Variants in SBK1 observed in about 807,000 individuals in gnomAD.
The protein encoded by SBK1 is serine/threonine-protein kinase SBK1.
Under a neutral mutation model 24.4 loss-of-function variants are expected in SBK1, and 11 were observed. The observed-to-expected ratio is 0.45, with a 90% CI of 0.28 to 0.75. SBK1 has a LOEUF of 0.75. Among genes scored for constraint, SBK1 ranks in the 30% least tolerant of loss-of-function variants. The pLI is 0.12. For missense variants in SBK1, 467 were observed against 620.5 expected (o/e 0.75, Z 2.63); for synonymous variants, 308 against 284.4 (o/e 1.08, Z -0.83).
At chr16:28,315,563 C>T (rs2044788739) in intron 1 of SBK1, among the ~76,000 whole-genome samples, 1 of 152,042 alleles carries the variant, frequency 6.6e-6, no homozygotes, top group Admixed American at 6.6e-5. Flanking sequence ...GAGTTCGAGA[C>T]CAGCCTGGAA....
chr16:28,320,124 C>T lies in SBK1; in HGVS notation c.478C>T (p.Leu160=). The T allele has an allele frequency of 1.9e-6, 3 of 1,572,816 alleles. No individual in the cohort carries two copies. Among genetic ancestry groups the T allele is most frequent in the Non-Finnish European group, 2.6e-6 (3 of 1,164,852 alleles). Residue 160 remains leucine, a synonymous_variant, in exon 4 of 4, where the codon CTG becomes TTG. Coordinates refer to ENST00000341901, the MANE Select transcript of SBK1 (RefSeq NM_001024401.3). The surrounding 1 kb of genome is among the most constrained non-coding windows in gnomAD (Gnocchi z 8.5). The stretch of plus-strand genomic sequence containing the variant: ...GAAGCGCTGTGTGCAGCAGCTGGGC[C>T]TGGCGCTGGACTTCATGCACGGGCG... ...TVKRCVQQLG[L]ALDFMHGRQL...
chr16:28,265,597 T>A (rs916051845), intron 1 of SBK1, among the ~76,000 whole-genome samples: 1 of 151,718 alleles, frequency 6.6e-6, no homozygotes, highest in Non-Finnish European at 1.5e-5. Flanking sequence ...ATATAAAAAT[T>A]AAAATTAAAA....
chr16:28,312,064 A>G (rs907732926), intron 1 of SBK1, among the ~76,000 whole-genome samples: 2 of 152,270 alleles, frequency 1.3e-5, no homozygotes, highest in Non-Finnish European at 2.9e-5. Context: ...TGCTGTATGC[A>G]CGTGGACCGC....
intron 1 of SBK1, among the ~76,000 whole-genome samples, chr16:28,272,898 G>T (rs745751723): frequency 5.9e-5 from 9 of 151,932 alleles, no homozygotes; most frequent in Non-Finnish European, 1.3e-4. Flanking sequence ...GGGATTACAG[G>T]CGTGAGCCAC....
chr16:28,296,749 A>T (rs1455162009), intron 1 of SBK1, among the ~76,000 whole-genome samples: 2 of 152,142 alleles, frequency 1.3e-5, no homozygotes, highest in African/African-American at 4.8e-5. Flanking sequence ...AGTGACATCC[A>T]GCAACCAAAA....
At position 28,320,317 on chromosome 16, in the gene SBK1, G is replaced by A; in HGVS notation, c.671G>A (p.Arg224His). The change falls in exon 4 of 4, where the codon CGC becomes CAC. Residue 224 changes from arginine to histidine, a missense_variant. Transcript: ENST00000341901. This position sits in a 1 kb window ranked among gnomAD's most constrained non-coding sequence, Gnocchi z 8.5. Reference protein sequence around the residue: ...YTAPEVCQAGRADGLAVDTGV... With the variant: ...YTAPEVCQAGHADGLAVDTGV... Reference sequence around the variant, plus strand: ...GCGCCTGAGGTGTGCCAGGCGGGCCGCGCCGACGGGCTGGCGGTGGACACG... The same window carrying A: ...GCGCCTGAGGTGTGCCAGGCGGGCCACGCCGACGGGCTGGCGGTGGACACG... 3.1e-6 allele frequency: 5 copies of A among 1,591,716 alleles called. No individual in the cohort carries two copies. Among genetic ancestry groups the A allele is most frequent in the Non-Finnish European group, 4.3e-6 (5 of 1,175,348 alleles).
At chr16:28,300,442 C>G (rs777394047) in intron 1 of SBK1, among the ~76,000 whole-genome samples, 2 of 152,150 alleles carry the variant, frequency 1.3e-5, no homozygotes, top group Non-Finnish European at 2.9e-5. Flanking sequence ...GCTTCAGCCT[C>G]CCGACTAGCT....
intron 1 of SBK1, among the ~76,000 whole-genome samples, chr16:28,282,168 C>G (rs1049446187): frequency 2.0e-5 from 3 of 152,168 alleles, no homozygotes; most frequent in Non-Finnish European, 2.9e-5. Flanking sequence ...TGAAAGTGAC[C>G]TACACCTCCC....
chr16:28,319,944 C>G lies in SBK1; in HGVS notation c.430-132C>G, dbSNP rs941184370. ...CTCAGCAGCATCCGGGCCGCGTCTG[C>G]GCGGTCGCCCCAGTTACTGGGGACA... On this transcript the variant is annotated intron_variant, in intron 3 of 3. Coordinates refer to ENST00000341901, the MANE Select transcript of SBK1 (RefSeq NM_001024401.3). This position sits in a 1 kb window ranked among gnomAD's most constrained non-coding sequence, Gnocchi z 4.0. 1 of 834,598 alleles carries G rather than the reference C, an allele frequency of 1.2e-6. No individual in the cohort carries two copies. Among genetic ancestry groups the G allele is most frequent in the African/African-American group, 1.8e-5 (1 of 55,670 alleles). The allele number at this position is 834,598 out of a possible 1,614,324, so 51.7% of individuals were successfully genotyped here. A position where few individuals can be genotyped will look rare whatever the true frequency, so the allele number is the denominator to read the frequency against.
intron 1 of SBK1, chr16:28,284,791 C>T (rs1363923693): frequency 1.3e-5 from 2 of 152,158 alleles, no homozygotes; most frequent in Non-Finnish European, 2.9e-5. Context: ...TCTTCTTTTT[C>T]TCCTCCTCCT....
chr16:28,289,780 A>C (rs2044587952), upstream of SBK1, among the ~76,000 whole-genome samples: 1 of 151,152 alleles, frequency 6.6e-6, no homozygotes, highest in African/African-American at 2.4e-5. Flanking sequence ...AAAAAAAAAA[A>C]AAACAAAAAC....
chr16:28,319,222 G>A lies in SBK1; in HGVS notation c.429+25G>A, dbSNP rs1206163466. On this transcript the variant is annotated intron_variant, in intron 3 of 3. Transcript: ENST00000341901. This position sits in a 1 kb window ranked among gnomAD's most constrained non-coding sequence, Gnocchi z 4.0. ...GGTACTCGGGATGGTGGCATAGGGT[G>A]GGGAAAGGGTCTTCAGGGTCCCAGA... is the stretch of plus-strand genomic sequence containing the variant. 1 of 1,589,908 alleles carries A rather than the reference G, an allele frequency of 6.3e-7. No individual in the cohort carries two copies. Among genetic ancestry groups the A allele is most frequent in the Non-Finnish European group, 8.6e-7 (1 of 1,158,300 alleles).
chr16:28,310,174 G>T (rs975018323), intron 1 of SBK1, among the ~76,000 whole-genome samples: 1 of 152,160 alleles, frequency 6.6e-6, no homozygotes, highest in Non-Finnish European at 1.5e-5. Context: ...CCTCAGGGCC[G>T]GTGAGGACAC....
At chr16:28,268,975 T>C (rs926761848) in intron 1 of SBK1, among the ~76,000 whole-genome samples, 3 of 151,740 alleles carry the variant, frequency 2.0e-5, no homozygotes, top group Admixed American at 6.6e-5. Flanking sequence ...TCAAAGACAG[T>C]GTAGTTGAAG....
In SBK1 at chr16:28,318,992, C is replaced by T. The variant is rs374864327; in HGVS notation, c.227-3C>T. 7 of 1,613,438 alleles carry T rather than the reference C, an allele frequency of 4.3e-6. No individual in the cohort carries two copies. Among genetic ancestry groups the T allele is most frequent in the African/African-American group, 1.3e-5 (1 of 74,884 alleles). Reference sequence around the variant, plus strand: ...TCAACCCTGTTGCTGTTGCTCCCATCAGGCACAAAAATGGCACTGAAGTTT... The same window carrying T: ...TCAACCCTGTTGCTGTTGCTCCCATTAGGCACAAAAATGGCACTGAAGTTT... On this transcript the variant is annotated splice_polypyrimidine_tract_variant and splice_region_variant and intron_variant, in intron 2 of 3. Transcript: ENST00000341901.
At chr16:28,279,053 C>A (rs1009711707) in intron 1 of SBK1, among the ~76,000 whole-genome samples, 1 of 151,834 alleles carries the variant, frequency 6.6e-6, no homozygotes, top group Non-Finnish European at 1.5e-5. Context: ...TGGTCAAACC[C>A]GCTCTCTACC....
chr16:28,288,289 G>A (rs151082610), upstream of SBK1, among the ~76,000 whole-genome samples: 138 of 152,286 alleles, frequency 9.1e-4, no homozygotes, highest in Middle Eastern at 0.01. Flanking sequence ...AAGCAAACCA[G>A]AGCCTTCCTG....
chr16:28,320,681 C>A lies in SBK1; in HGVS notation c.1035C>A (p.Leu345=). ...CGCCCGCCGCCGGGCCACTGCGCCT[C>A]GAGGCGCCTGGGCCGCTCAAGCGGA... The part of the protein sequence containing the change: ...DRPPAAGPLR[L]EAPGPLKRTV... The change falls in exon 4 of 4, where the codon CTC becomes CTA. Residue 345 remains leucine (L), a synonymous_variant. Coordinates refer to ENST00000341901, the MANE Select transcript of SBK1 (RefSeq NM_001024401.3). This position sits in a 1 kb window ranked among gnomAD's most constrained non-coding sequence, Gnocchi z 8.5. The A allele has an allele frequency of 6.5e-6, 7 of 1,078,450 alleles. No homozygotes were observed. Among genetic ancestry groups the A allele is most frequent in the Non-Finnish European group, 7.9e-6 (7 of 889,876 alleles). 66.8% of individuals were successfully genotyped at this position (1,078,450 alleles called of 1,614,324 possible). A position where few individuals can be genotyped will look rare whatever the true frequency, so the allele number is the denominator to read the frequency against.
Position 28,320,453 on chromosome 16 carries a change from G to A in SBK1, c.807G>A (p.Trp269Ter). The A allele has an allele frequency of 6.3e-7, 1 of 1,577,686 alleles. No individual in the cohort carries two copies. The highest frequency in any genetic ancestry group is 8.6e-7 in the Non-Finnish European group (1 of 1,169,182). ...CCTTCTTCGAGGAGTTCGTGCGCTG[G>A]CAGCGGGGCCGCCTGCCGGGGCTGC... ...ADAFFEEFVR[W>*]QRGRLPGLPS... Residue 269 changes from tryptophan (W) to a stop codon, truncating the protein, a stop_gained, in exon 4 of 4, where the codon TGG becomes TGA. Transcript: ENST00000341901. LOFTEE classifies it high-confidence loss of function. This position sits in a 1 kb window ranked among gnomAD's most constrained non-coding sequence, Gnocchi z 8.5.
Sources: gnomAD v4.1 joint callset for allele counts (sites outside exome capture counted in the v4.1 genomes callset) on GRCh38, gnomAD v4.1.1 for gene constraint, Gnocchi (gnomAD v3.1) non-coding constraint, MANE v1.5 for transcripts, NCBI Gene and HGNC (gene_info 2026-07-23, HGNC 2026-07-21) for gene names.